Variants in PPFIBP1 observed in about 807,000 individuals in gnomAD.
PPFIBP1 encodes the protein liprin-beta-1.
A neutral mutation model predicts 137.8 loss-of-function variants in PPFIBP1; 112 were observed. The ratio of observed to expected loss-of-function variants is 0.81; its 90% CI spans 0.70 to 0.95. The LOEUF is 0.95. PPFIBP1 is among the 40% of genes least tolerant of loss of function. PPFIBP1 has a pLI of 0.00. For synonymous variants in PPFIBP1, 378 were observed against 417.3 expected (o/e 0.91, Z 1.15); for missense variants, 1,083 against 1,196.6 (o/e 0.91, Z 1.40).
intron 25 of PPFIBP1, 101 bp downstream of exon 25, chr12:27,687,608 A>G: frequency 7.3e-7 from 1 of 1,371,566 alleles, no homozygotes; most frequent in South Asian, 1.5e-5. Context: ...CTGCAGGAAA[A>G]GCCTTAAAAT....
In PPFIBP1 at chr12:27,676,591, C is replaced by A; in HGVS notation, c.1574C>A (p.Pro525Gln). The change falls in exon 18 of 30, where the codon CCA (proline) becomes CAA (glutamine). Residue 525 changes from proline to glutamine, a missense_variant. Physicochemically the swap from Pro to Gln is moderately conservative, Grantham distance 76. Coordinates refer to ENST00000228425, the MANE Select transcript of PPFIBP1 (RefSeq NM_003622.4). Reference protein sequence around the residue: ...IKSNKRTASAPNLDRKRSASA... With the variant: ...IKSNKRTASAQNLDRKRSASA... ...AGTAACAAGAGAACAGCAAGTGCAC[C>A]AAACTTAGGTACGTATGACCAAAAT... 1 of 1,579,342 alleles carries A rather than the reference C, an allele frequency of 6.3e-7. No individual in the cohort carries two copies. Among genetic ancestry groups the A allele is most frequent in the Admixed American group, 1.8e-5 (1 of 55,038 alleles).
intron 28 of PPFIBP1, 110 bp downstream of exon 28, chr12:27,692,038 A>G: frequency 1.1e-6 from 1 of 938,068 alleles, no homozygotes; most frequent in East Asian, 2.5e-5. Context: ...ATAACTAAAA[A>G]TACAGATAAT....
intron 5 of PPFIBP1, 197 bp downstream of exon 5, chr12:27,646,345 A>G (rs1487310581): frequency 1.6e-6 from 1 of 608,896 alleles, no homozygotes; most frequent in Admixed American, 2.1e-5. Flanking sequence ...AGGAGCTACC[A>G]TTAATCATCC....
intron 1 of PPFIBP1, among the ~76,000 whole-genome samples, chr12:27,567,799 G>T (rs2049809966): frequency 6.6e-6 from 1 of 152,162 alleles, no homozygotes; most frequent in Admixed American, 6.5e-5. Context: ...TCTCAGTGAA[G>T]TTTAATCCTG....
intron 1 of PPFIBP1, among the ~76,000 whole-genome samples, chr12:27,540,759 T>C (rs1592331134): frequency 6.6e-6 from 1 of 152,192 alleles, no homozygotes; most frequent in East Asian, 1.9e-4. Flanking sequence ...GAAAATAAAT[T>C]TTGTTTTTCT....
At chr12:27,651,155 C>T (rs1301351853) in intron 7 of PPFIBP1, among the ~76,000 whole-genome samples, 3 of 152,156 alleles carry the variant, frequency 2.0e-5, no homozygotes, top group African/African-American at 7.2e-5. Flanking sequence ...AGTTTTACTC[C>T]ACTGCTATTT....
At position 27,688,294 on chromosome 12, in the gene PPFIBP1, A is replaced by T; in HGVS notation, c.2371-4A>T. 1.2e-6 allele frequency: 2 copies of T among 1,613,392 alleles called. No homozygotes were observed. Among genetic ancestry groups the T allele is most frequent in the Non-Finnish European group, 1.7e-6 (2 of 1,179,804 alleles). ...TTTAGGATCCTGGTTGTGTGTTCCCATAGAATACCATCGCCCCATCAGAAG... is the reference window on the plus strand; with the variant it reads ...TTTAGGATCCTGGTTGTGTGTTCCCTTAGAATACCATCGCCCCATCAGAAG... On this transcript the variant is annotated splice_polypyrimidine_tract_variant and splice_region_variant and intron_variant, in intron 25 of 29. Coordinates refer to ENST00000228425, the MANE Select transcript of PPFIBP1 (RefSeq NM_003622.4).
At chr12:27,648,045 C>A in intron 6 of PPFIBP1, 1 of 574,564 alleles carries the variant, frequency 1.7e-6, no homozygotes, top group Non-Finnish European at 2.6e-6. Context: ...GAATCTGGAA[C>A]AAAATGTCAA....
At chr12:27,629,591 T>G (rs934734211) in intron 2 of PPFIBP1, among the ~76,000 whole-genome samples, 7 of 152,210 alleles carry the variant, frequency 4.6e-5, no homozygotes, top group Non-Finnish European at 1.0e-4. Context: ...TTCCATTGTA[T>G]TAGAATAATA....
intron 1 of PPFIBP1, among the ~76,000 whole-genome samples, chr12:27,531,459 A>AC (rs1944411315): frequency 6.9e-6 from 1 of 144,840 alleles, no homozygotes; most frequent in Non-Finnish European, 1.5e-5. Flanking sequence ...TGAGCAGCTA[A>AC]TTTTTTTTTT....
intron 2 of PPFIBP1, among the ~76,000 whole-genome samples, chr12:27,586,363 T>C (rs2051751908): frequency 6.6e-6 from 1 of 152,220 alleles, no homozygotes; most frequent in Non-Finnish European, 1.5e-5. Context: ...AGAGGATCTA[T>C]GGCTTTAATC....
intron 1 of PPFIBP1, among the ~76,000 whole-genome samples, chr12:27,528,534 C>G (rs1336198139): frequency 6.6e-6 from 1 of 152,136 alleles, no homozygotes; most frequent in Non-Finnish European, 1.5e-5. Flanking sequence ...AAATGGAGCT[C>G]ATAAATTTAA....
intron 1 of PPFIBP1, among the ~76,000 whole-genome samples, chr12:27,532,912 T>C (rs534897327): frequency 6.6e-6 from 1 of 152,188 alleles, no homozygotes; most frequent in Non-Finnish European, 1.5e-5. Context: ...AAAATGACTC[T>C]GGAAATAGCA....
intron 2 of PPFIBP1, among the ~76,000 whole-genome samples, chr12:27,617,173 C>T (rs1327928414): frequency 1.3e-5 from 2 of 152,052 alleles, no homozygotes; most frequent in African/African-American, 4.8e-5. Flanking sequence ...GCATAAATAC[C>T]AAAAATTTGA....
Position 27,667,944 on chromosome 12 carries a change from G to A in PPFIBP1, c.1146+624G>A, listed in dbSNP as rs565637387. Among the ~76,000 whole-genome samples the A allele has an allele frequency of 8.5e-5, 13 of 152,234 alleles. 1 individual carries two copies. Among genetic ancestry groups the A allele is most frequent in the African/African-American group, 2.9e-4 (12 of 41,534 alleles). ...TATGATTTATCTCAGAAATCACATG[G>A]CATCTCTTCTGCTGTAGCCACAGGC... On this transcript the variant is annotated intron_variant, in intron 13 of 29. Transcript: ENST00000228425.
chr12:27,552,318 A>G (rs923315517), intron 1 of PPFIBP1, among the ~76,000 whole-genome samples: 1 of 152,218 alleles, frequency 6.6e-6, no homozygotes, highest in Non-Finnish European at 1.5e-5. Flanking sequence ...AGAGAATTGA[A>G]CCGCTATCAG....
intron 2 of PPFIBP1, chr12:27,599,553 T>C: frequency 2.2e-6 from 1 of 454,272 alleles, no homozygotes; most frequent in Non-Finnish European, 4.4e-6. Flanking sequence ...TTCCTTTTTC[T>C]TTCATCTTTC....
chr12:27,688,202 T>C (rs964174249), intron 25 of PPFIBP1, 96 bp from the exon 26 acceptor site: 1 of 1,321,674 alleles, frequency 7.6e-7, no homozygotes, highest in African/African-American at 1.5e-5. Context: ...TCTTTTTGCA[T>C]TTAGTGGGTT....
intron 2 of PPFIBP1, among the ~76,000 whole-genome samples, chr12:27,612,672 C>T (rs1225301010): frequency 1.3e-5 from 2 of 152,000 alleles, no homozygotes; most frequent in African/African-American, 2.4e-5. Flanking sequence ...AAAACTCACC[C>T]CACTCCCTGT....
Sources: gnomAD v4.1 joint callset for allele counts (sites outside exome capture counted in the v4.1 genomes callset) on GRCh38, gnomAD v4.1.1 for gene constraint, MANE v1.5 for transcripts, NCBI Gene and HGNC (gene_info 2026-07-23, HGNC 2026-07-21) for gene names.